ZNF827: variants seen among roughly 807,000 people sequenced by gnomAD.
The protein encoded by ZNF827 is zinc finger protein 827.
In ZNF827, 13 loss-of-function variants were observed where a neutral mutation model predicts 102.4. That is an observed-to-expected ratio of 0.13 (90% CI 0.08 to 0.20). The LOEUF (loss-of-function observed/expected upper bound fraction) is 0.20, where lower values mean the gene tolerates loss of function less well. ZNF827 is among the 10% of genes least tolerant of loss of function. The probability of loss-of-function intolerance (pLI) is 1.00; values close to 1 mark genes in which losing one functional copy is unlikely to be tolerated. For synonymous variants in ZNF827, 523 were observed against 536.2 expected, an observed-to-expected ratio of 0.98 and a Z score of 0.34; for missense variants, 1,103 against 1,344.4, an observed-to-expected ratio of 0.82 and a Z score of 2.81.
chr4:145,846,277 C>T (rs941256452), intron 6 of ZNF827, among the ~76,000 whole-genome samples: 3 of 150,712 alleles, frequency 2.0e-5, no homozygotes, highest in African/African-American at 7.3e-5. Flanking sequence ...AGGAGATCGA[C>T]ACTATCCTGG....
intron 8 of ZNF827, among the ~76,000 whole-genome samples, chr4:145,781,195 C>CAAAAAAAAAAAAAAAAAAAAA (rs10605153): frequency 3.7e-4 from 21 of 56,542 alleles, no homozygotes; most frequent in South Asian, 1.1e-3. Flanking sequence ...GACACCATCT[C>CAAAAAAAAAAAAAAAAAAAAA]AAAAAAAAAA....
chr4:145,806,732 A>G (rs1194105833), intron 8 of ZNF827, among the ~76,000 whole-genome samples: 1 of 151,932 alleles, frequency 6.6e-6, no homozygotes, highest in Non-Finnish European at 1.5e-5. Flanking sequence ...TGCTTATTAT[A>G]CATTTTGATA....
In ZNF827 at chr4:145,893,115, C is replaced by T. The variant is rs569737871; in HGVS notation, c.1094-700G>A. ...TGCCTTCCTCTGCACGGTGACTGGG[C>T]CTCATTGCCCACTTTGGGAAGAGCT... On this transcript the variant is annotated intron_variant, in intron 2 of 14. Transcript: ENST00000508784. Among the ~76,000 whole-genome samples, 5 of 152,318 alleles carry T rather than the reference C, an allele frequency of 3.3e-5. No individual in the cohort carries two copies. The South Asian group carries it at 1.0e-3, about 32-fold the overall frequency.
chr4:145,846,027 G>C lies in ZNF827; in HGVS notation c.2222-14C>G. On this transcript the variant is annotated splice_polypyrimidine_tract_variant and intron_variant, in intron 6 of 14. Coordinates refer to ENST00000508784, the MANE Select transcript of ZNF827 (RefSeq NM_001306215.2). Reference sequence around the variant, plus strand: ...TGCTCACTTTTTCTGTAAGGAGAAAGAATGAAACATACACCTCTTAGGTTG... The same window carrying C: ...TGCTCACTTTTTCTGTAAGGAGAAACAATGAAACATACACCTCTTAGGTTG... The C allele has an allele frequency of 6.2e-7, 1 of 1,614,052 alleles. No individual in the cohort carries two copies. The highest frequency in any genetic ancestry group is 8.5e-7 in the Non-Finnish European group (1 of 1,179,898).
At chr4:145,830,746 G>A (rs1462863624) in intron 7 of ZNF827, 6 of 152,012 alleles carry the variant, frequency 3.9e-5, no homozygotes, top group South Asian at 2.1e-4. Context: ...AAAAAATTTC[G>A]AACACTTTAA....
intron 4 of ZNF827, among the ~76,000 whole-genome samples, chr4:145,880,372 G>A (rs894385172): frequency 6.6e-6 from 1 of 152,248 alleles, no homozygotes; most frequent in African/African-American, 2.4e-5. Context: ...AAGGCTCAAA[G>A]GAGTTAGTAA....
intron 1 of ZNF827, among the ~76,000 whole-genome samples, chr4:145,906,740 CA>C (rs1355597191): frequency 5.3e-5 from 8 of 152,154 alleles, no homozygotes; most frequent in Admixed American, 5.2e-4. Context: ...TCAAAATAAA[CA>C]AGTGAATAAA....
At chr4:145,854,554 C>A (rs1436502931) in intron 5 of ZNF827, among the ~76,000 whole-genome samples, 1 of 152,142 alleles carries the variant, frequency 6.6e-6, no homozygotes, top group Non-Finnish European at 1.5e-5. Context: ...GGTTCTTCCA[C>A]CTGCACAACG....
intron 8 of ZNF827, among the ~76,000 whole-genome samples, chr4:145,805,789 C>G (rs529467991): frequency 2.0e-5 from 3 of 152,190 alleles, no homozygotes; most frequent in East Asian, 3.9e-4. Flanking sequence ...CTGTCACTTC[C>G]GCGGTCAAGC....
rs564266474 is a variant in ZNF827, at chr4:145,937,054, C to A, written c.43+1311G>T. ...CCCTGCATTCAAGGAGCCGGGCGGC[C>A]CCGGGGGATATTTTTAGTTGCTTCT... On this transcript the variant is annotated intron_variant, in intron 1 of 14. Transcript: ENST00000508784. Among the ~76,000 whole-genome samples, 440 of 152,256 alleles carry A rather than the reference C, an allele frequency of 2.9e-3. 2 individuals carry two copies. Among genetic ancestry groups the A allele is most frequent in the Non-Finnish European group, 5.2e-3 (353 of 67,996 alleles).
intron 7 of ZNF827, chr4:145,833,160 A>C: frequency 4.9e-6 from 1 of 204,834 alleles, no homozygotes; most frequent in Middle Eastern, 2.2e-3. Flanking sequence ...CAAATCCGGT[A>C]AGCGGCCTCT....
chr4:145,834,870 G>A (rs933257981), intron 7 of ZNF827: 1 of 152,158 alleles, frequency 6.6e-6, no homozygotes, highest in Non-Finnish European at 1.5e-5. Context: ...TCGCCTTCAA[G>A]GTGTACAATA....
At chr4:145,889,763 G>T (rs1750441248) in intron 3 of ZNF827, among the ~76,000 whole-genome samples, 2 of 152,154 alleles carry the variant, frequency 1.3e-5, no homozygotes, top group African/African-American at 4.8e-5. Context: ...AACTGCCTGA[G>T]GTCAAGAGTT....
chr4:145,832,010 C>G (rs1474394403), intron 7 of ZNF827: 2 of 152,206 alleles, frequency 1.3e-5, no homozygotes, highest in African/African-American at 4.8e-5. Context: ...CTCCTGTAAT[C>G]CCAGCACTTT....
chr4:145,772,088 A>T (rs141222878), intron 11 of ZNF827, among the ~76,000 whole-genome samples: 1 of 152,194 alleles, frequency 6.6e-6, no homozygotes, highest in Non-Finnish European at 1.5e-5. Context: ...TTCCACATAG[A>T]TTACAGAAAT....
At chr4:145,938,221 G>A (rs1754378112) in intron 1 of ZNF827, 144 bp downstream of exon 1, 1 of 937,844 alleles carries the variant, frequency 1.1e-6, no homozygotes, top group Non-Finnish European at 1.7e-6. Context: ...ACCTAAACGA[G>A]GAGTAACCCG....
At chr4:145,764,820 G>T (rs1411938589) in intron 13 of ZNF827, 168 bp downstream of exon 13, 1 of 848,966 alleles carries the variant, frequency 1.2e-6, no homozygotes, top group Non-Finnish European at 1.9e-6. Flanking sequence ...AGGGGGACAG[G>T]TCTAATTCAA....
rs1349500378 is a variant in ZNF827 at position 145,758,858 on chromosome 4, G to A, written c.*2758C>T. The A allele has an allele frequency of 6.6e-6, 1 of 152,384 alleles. No individual in the cohort carries two copies. The highest frequency in any genetic ancestry group is 1.5e-5 in the Non-Finnish European group (1 of 68,182). The allele number at this position is 152,384 out of a possible 1,614,324, so 9.4% of individuals were successfully genotyped here. Reference sequence around the variant, plus strand: ...GGCGGGATGACTGGCAAAGGGAGGTGTAGCACACCTACTAGGTGTGGGGAA... The same window carrying A: ...GGCGGGATGACTGGCAAAGGGAGGTATAGCACACCTACTAGGTGTGGGGAA... On this transcript the variant is annotated 3_prime_UTR_variant, in exon 15 of 15. Coordinates refer to ENST00000508784, the MANE Select transcript of ZNF827 (RefSeq NM_001306215.2).
At chr4:145,791,475 G>A (rs1292662374) in intron 8 of ZNF827, among the ~76,000 whole-genome samples, 1 of 152,152 alleles carries the variant, frequency 6.6e-6, no homozygotes, top group East Asian at 1.9e-4. Context: ...GGAGGAAAGG[G>A]ATTATTAGTA....
Sources: allele counts gnomAD v4.1 joint callset (sites outside exome capture counted in the v4.1 genomes callset), GRCh38; gene constraint gnomAD v4.1.1; transcripts MANE v1.5; gene names NCBI Gene and HGNC (gene_info 2026-07-23, HGNC 2026-07-21).